Variants in CACNB4 observed in about 807,000 individuals in gnomAD.
CACNB4 encodes the protein voltage-dependent L-type calcium channel subunit beta-4.
Under a neutral mutation model 71.2 loss-of-function variants are expected in CACNB4, and 32 were observed. The observed-to-expected ratio is 0.45, with a 90% confidence interval of 0.34 to 0.60. The LOEUF (loss-of-function observed/expected upper bound fraction) is 0.60, where lower values mean the gene tolerates loss of function less well. CACNB4 is among the 20% of genes least tolerant of loss of function. CACNB4 has a pLI of 0.01. For synonymous variants in CACNB4, 231 were observed against 236.9 expected, an observed-to-expected ratio of 0.97 and a Z score of 0.23; for missense variants, 464 against 647.9, an observed-to-expected ratio of 0.72 and a Z score of 3.08.
At chr2:151,894,757 A>G (rs78349525) in intron 2 of CACNB4, among the ~76,000 whole-genome samples, 2,198 of 152,278 alleles carry the variant, frequency 0.014, 49 homozygotes, top group African/African-American at 0.049. Flanking sequence ...GTTTCTATAC[A>G]CCAATAATAG....
chr2:152,058,340 A>C (rs1685832945), intron 2 of CACNB4, among the ~76,000 whole-genome samples: 1 of 152,226 alleles, frequency 6.6e-6, no homozygotes, highest in Non-Finnish European at 1.5e-5. Context: ...TAATGGGCAG[A>C]GGTTGGAATA....
intron 2 of CACNB4, among the ~76,000 whole-genome samples, chr2:151,964,768 C>A (rs2099870621): frequency 6.6e-6 from 1 of 152,108 alleles, no homozygotes; most frequent in Non-Finnish European, 1.5e-5. Flanking sequence ...TTTTACGTAC[C>A]AAATTTTTGG....
chr2:151,853,412 T>G (rs1287217955), intron 12 of CACNB4, 36 bp downstream of exon 12: 9 of 1,304,976 alleles, frequency 6.9e-6, no homozygotes, highest in Non-Finnish European at 8.6e-6. Context: ...TTCTAACTAG[T>G]CAAGAATGAT....
intron 2 of CACNB4, among the ~76,000 whole-genome samples, chr2:152,002,045 C>T (rs1200839857): frequency 6.6e-6 from 1 of 152,338 alleles, no homozygotes; most frequent in Admixed American, 6.5e-5. Context: ...ATGCCACACA[C>T]CCCTACAAGA....
At position 151,986,342 on chromosome 2, in the gene CACNB4, A is replaced by G. The variant is rs11896355; in HGVS notation, c.148-102972T>C. ...TAGACAGAATAAGCATCTGGTTTGA[A>G]TTTCCAAAATGGCTCCTTCCAACTC... is the stretch of plus-strand genomic sequence containing the variant. On this transcript the variant is annotated intron_variant, in intron 2 of 13. Transcript: ENST00000539935. Among the ~76,000 whole-genome samples the G allele has an allele frequency of 3.0e-3, 450 of 152,332 alleles. 2 individuals are homozygous for G. Among genetic ancestry groups the G allele is most frequent in the African/African-American group, 0.011 (439 of 41,572 alleles).
intron 2 of CACNB4, among the ~76,000 whole-genome samples, chr2:152,061,452 A>G (rs1237386080): frequency 2.0e-5 from 3 of 152,176 alleles, no homozygotes; most frequent in African/African-American, 7.2e-5. Flanking sequence ...AAAATAACTC[A>G]TGTAATCTAT....
chr2:151,985,053 A>G (rs1041163764), intron 2 of CACNB4, among the ~76,000 whole-genome samples: 1 of 152,166 alleles, frequency 6.6e-6, no homozygotes, highest in African/African-American at 2.4e-5. Context: ...AGCATTTCCC[A>G]TGAGTGTATT....
chr2:151,902,335 C>T (rs978124711), intron 2 of CACNB4, among the ~76,000 whole-genome samples: 1 of 152,114 alleles, frequency 6.6e-6, no homozygotes, highest in African/African-American at 2.4e-5. Flanking sequence ...TCAGACTTCA[C>T]CCATCTTTTG....
At chr2:152,012,285 C>T (rs1268080442) in intron 2 of CACNB4, among the ~76,000 whole-genome samples, 4 of 151,970 alleles carry the variant, frequency 2.6e-5, no homozygotes, top group African/African-American at 9.7e-5. Flanking sequence ...CTGTGGAGAC[C>T]TAGGCTAATG....
intron 2 of CACNB4, chr2:151,970,691 T>A (rs1430042706): frequency 6.6e-6 from 1 of 151,534 alleles, no homozygotes; most frequent in East Asian, 1.9e-4. Flanking sequence ...GTAGGAAGAG[T>A]CGATGTGCAT....
chr2:151,887,840 T>C (rs2099849755), intron 2 of CACNB4, among the ~76,000 whole-genome samples: 1 of 152,162 alleles, frequency 6.6e-6, no homozygotes, highest in Non-Finnish European at 1.5e-5. Context: ...ATGGGGGAAA[T>C]TCGGAAAATA....
intron 9 of CACNB4, chr2:151,867,006 G>A (rs2099843319): frequency 6.6e-6 from 1 of 152,048 alleles, no homozygotes; most frequent in African/African-American, 2.4e-5. Flanking sequence ...CCCTTTTTCT[G>A]GGCCTCAGGA....
intron 8 of CACNB4, chr2:151,870,205 T>C: frequency 1.4e-6 from 1 of 693,912 alleles, no homozygotes; most frequent in South Asian, 1.5e-5. Flanking sequence ...CTATTACTTC[T>C]AATAATAATG....
At chr2:152,017,056 C>A (rs1437840341) in intron 2 of CACNB4, among the ~76,000 whole-genome samples, 1 of 143,378 alleles carries the variant, frequency 7.0e-6, no homozygotes, top group Admixed American at 6.7e-5. Flanking sequence ...CTTCCTTCTC[C>A]AGGCATTTCA....
chr2:152,013,815 C>T (rs4494739), intron 2 of CACNB4, among the ~76,000 whole-genome samples: 62,302 of 152,060 alleles, frequency 0.41, 15,621 homozygotes, highest in Non-Finnish European at 0.57. Context: ...TGCCTTCCTT[C>T]GGAAGAATGT....
chr2:152,068,852 T>C (rs978565538), intron 2 of CACNB4, among the ~76,000 whole-genome samples: 1 of 152,210 alleles, frequency 6.6e-6, no homozygotes, highest in African/African-American at 2.4e-5. Context: ...GAAAGAGATG[T>C]TGATATCTTT....
In CACNB4 at chr2:151,868,604, C is replaced by T. The variant is rs546482135; in HGVS notation, c.758+573G>A. On this transcript the variant is annotated intron_variant, in intron 9 of 13. Coordinates refer to ENST00000539935, the MANE Select transcript of CACNB4 (RefSeq NM_000726.5). The stretch of plus-strand genomic sequence containing the variant: ...ATAGTAAAATACATTAAAAAAAGAT[C>T]AATAAAATAACAAGGACATTTCTAA... 7 of 152,096 alleles carry T rather than the reference C, an allele frequency of 4.6e-5. No homozygotes were observed. The South Asian group carries it at 1.2e-3, about 27-fold the overall frequency. 9.4% of individuals were successfully genotyped at this position (152,096 alleles called of 1,614,324 possible). A position where few individuals can be genotyped will look rare whatever the true frequency, so the allele number is the denominator to read the frequency against.
intron 9 of CACNB4, among the ~76,000 whole-genome samples, chr2:151,862,014 G>A (rs1461406670): frequency 6.6e-6 from 1 of 152,098 alleles, no homozygotes; most frequent in Admixed American, 6.5e-5. Context: ...TTCAAAGCTT[G>A]CCTCTTTAGG....
intron 2 of CACNB4, among the ~76,000 whole-genome samples, chr2:152,058,731 G>A (rs759944416): frequency 7.9e-5 from 12 of 152,240 alleles, no homozygotes; most frequent in Non-Finnish European, 1.6e-4. Flanking sequence ...GCAGAAATTG[G>A]CATAAGTAAC....
Sources: gnomAD v4.1 joint callset for allele counts (sites outside exome capture counted in the v4.1 genomes callset) on GRCh38, gnomAD v4.1.1 for gene constraint, MANE v1.5 for transcripts, NCBI Gene and HGNC (gene_info 2026-07-23, HGNC 2026-07-21) for gene names.